Variants in PSMA1 observed in about 807,000 individuals in gnomAD.
PSMA1 encodes proteasome subunit alpha type-1.
PSMA1 carries 3 observed loss-of-function variants against 38.4 expected under a neutral mutation model. The ratio of observed to expected loss-of-function variants is 0.08; its 90% confidence interval spans 0.04 to 0.20. The LOEUF is 0.20. PSMA1 is among the 10% of genes least tolerant of loss of function. The pLI, the probability that PSMA1 is intolerant of heterozygous loss-of-function variation, is 1.00. For missense variants in PSMA1, 227 were observed against 325.3 expected, an observed-to-expected ratio of 0.70 and a Z score of 2.32; for synonymous variants, 101 against 107.1, an observed-to-expected ratio of 0.94 and a Z score of 0.35.
At chr11:14,538,882 C>G (rs1227896199) in intron 2 of PSMA1, among the ~76,000 whole-genome samples, 1 of 152,216 alleles carries the variant, frequency 6.6e-6, no homozygotes, top group African/African-American at 2.4e-5. Context: ...TCAAAAAGTA[C>G]TTTTTAAAAT....
intron 1 of PSMA1, among the ~76,000 whole-genome samples, chr11:14,635,710 C>G (rs1172264843): frequency 1.3e-5 from 2 of 152,132 alleles, no homozygotes; most frequent in Non-Finnish European, 2.9e-5. Flanking sequence ...AGGGAGATTT[C>G]TCACTGACTT....
At chr11:14,580,309 C>T (rs1852269485) in intron 2 of PSMA1, among the ~76,000 whole-genome samples, 1 of 152,216 alleles carries the variant, frequency 6.6e-6, no homozygotes, top group Non-Finnish European at 1.5e-5. Flanking sequence ...TCAAACACGT[C>T]TTATCCTTTA....
chr11:14,636,750 C>T (rs1853117216), intron 1 of PSMA1, among the ~76,000 whole-genome samples: 1 of 152,210 alleles, frequency 6.6e-6, no homozygotes, highest in South Asian at 2.1e-4. Flanking sequence ...ATATTCTAGT[C>T]ACCTAGGCTA....
chr11:14,594,491 T>C (rs1052238975), intron 2 of PSMA1, among the ~76,000 whole-genome samples: 2 of 152,226 alleles, frequency 1.3e-5, no homozygotes, highest in Admixed American at 6.5e-5. Flanking sequence ...AAAAAACATT[T>C]CGTACTCCTT....
chr11:14,599,199 T>C (rs1413855034), intron 2 of PSMA1, among the ~76,000 whole-genome samples: 1 of 152,222 alleles, frequency 6.6e-6, no homozygotes, highest in African/African-American at 2.4e-5. Flanking sequence ...CTTTGGTGAA[T>C]CTGACAATTA....
chr11:14,522,573 G>T (rs1278733420), upstream of PSMA1, among the ~76,000 whole-genome samples: 1 of 152,060 alleles, frequency 6.6e-6, no homozygotes, highest in East Asian at 1.9e-4. Context: ...GGCCAAAAAA[G>T]AAAACCTGTT....
chr11:14,576,019 A>G (rs2134180911), intron 2 of PSMA1, among the ~76,000 whole-genome samples: 1 of 152,306 alleles, frequency 6.6e-6, no homozygotes, highest in East Asian at 1.9e-4. Flanking sequence ...AGTGATGATG[A>G]GCATTTTTTC....
chr11:14,538,147 T>G (rs1008187883), intron 2 of PSMA1, among the ~76,000 whole-genome samples: 7 of 152,212 alleles, frequency 4.6e-5, no homozygotes, highest in Admixed American at 4.6e-4. Flanking sequence ...ACTTAAAAAC[T>G]ACACATAGTT....
chr11:14,637,378 A>G (rs1192668256), intron 1 of PSMA1, among the ~76,000 whole-genome samples: 1 of 152,106 alleles, frequency 6.6e-6, no homozygotes, highest in Admixed American at 6.5e-5. Flanking sequence ...CCTGGTAAGA[A>G]CTCTGTTAGA....
Position 14,612,557 on chromosome 11 carries a change from T to C in PSMA1, c.-165-1406A>G, listed in dbSNP as rs1310290471. Among the ~76,000 whole-genome samples, 4 of 152,192 alleles carry C rather than the reference T, an allele frequency of 2.6e-5. No individual in the cohort carries two copies. In the South Asian group the frequency reaches 6.2e-4, roughly 24 times the overall value. ...ATTAGAAAAAAAATGTATGGAGCAGTTTCTTAATTCATTCTACTAGCAACT... is the reference window on the plus strand; with the variant it reads ...ATTAGAAAAAAAATGTATGGAGCAGCTTCTTAATTCATTCTACTAGCAACT... On this transcript the variant is annotated intron_variant, in intron 1 of 10. Transcript: ENST00000418988.
chr11:14,518,919 T>C, intron 2 of PSMA1, 78 bp downstream of exon 2: 1 of 1,159,398 alleles, frequency 8.6e-7, no homozygotes, highest in Non-Finnish European at 1.2e-6. Flanking sequence ...TCCCCAAGCC[T>C]ACGCTCTCAC....
chr11:14,554,306 G>C (rs1020504795), intron 2 of PSMA1, among the ~76,000 whole-genome samples: 1 of 152,150 alleles, frequency 6.6e-6, no homozygotes, highest in African/African-American at 2.4e-5. Context: ...CAGAGCAAAA[G>C]TTTTAAGTTT....
intron 2 of PSMA1, among the ~76,000 whole-genome samples, chr11:14,569,390 A>G (rs1287199912): frequency 2.0e-5 from 3 of 152,146 alleles, no homozygotes; most frequent in Non-Finnish European, 2.9e-5. Context: ...CCCACAGAGC[A>G]TGAGGTGAAG....
At chr11:14,587,454 AAGG>A (rs1212157140) in intron 2 of PSMA1, among the ~76,000 whole-genome samples, 1 of 152,184 alleles carries the variant, frequency 6.6e-6, no homozygotes, top group Non-Finnish European at 1.5e-5. Context: ...CCCTTGCAAC[AAGG>A]AGAATAACTT....
intron 2 of PSMA1, among the ~76,000 whole-genome samples, chr11:14,529,511 C>T (rs545170682): frequency 1.3e-5 from 2 of 152,276 alleles, no homozygotes; most frequent in East Asian, 3.9e-4. Flanking sequence ...CAACTCCCAT[C>T]ATCACCACCA....
At chr11:14,568,918 G>T (rs1349372231) in intron 2 of PSMA1, among the ~76,000 whole-genome samples, 1 of 152,184 alleles carries the variant, frequency 6.6e-6, no homozygotes, top group African/African-American at 2.4e-5. Flanking sequence ...GAGACACAGG[G>T]CACCATGTTG....
chr11:14,505,096 C>A lies in PSMA1; in HGVS notation c.*96G>T. On this transcript the variant is annotated 3_prime_UTR_variant, in exon 10 of 10. Transcript: ENST00000396394. ...TCCTAAAACATAGCATTCCACCACT[C>A]TGCAACTTTTGGTTCAAAGTATAGA... 1 of 1,154,678 alleles carries A rather than the reference C, an allele frequency of 8.7e-7. No homozygotes were observed. The highest frequency in any genetic ancestry group is 1.5e-5 in the African/African-American group (1 of 65,954). The allele number at this position is 1,154,678 out of a possible 1,614,324, so 71.5% of individuals were successfully genotyped here. A position where few individuals can be genotyped will look rare whatever the true frequency, so the allele number is the denominator to read the frequency against.
At chr11:14,617,031 CTG>C (rs1308110621) in intron 1 of PSMA1, among the ~76,000 whole-genome samples, 1 of 152,196 alleles carries the variant, frequency 6.6e-6, no homozygotes, top group African/African-American at 2.4e-5. Flanking sequence ...TGAAGCCAGT[CTG>C]TGAAAAACAC....
intron 2 of PSMA1, among the ~76,000 whole-genome samples, chr11:14,591,873 TC>T (rs1852420379): frequency 6.6e-6 from 1 of 152,104 alleles, no homozygotes; most frequent in South Asian, 2.1e-4. Context: ...CGGGTCCCCT[TC>T]CACACTGTGG....
Sources: gnomAD v4.1 joint callset for allele counts (sites outside exome capture counted in the v4.1 genomes callset) on GRCh38, gnomAD v4.1.1 for gene constraint, MANE v1.5 for transcripts, NCBI Gene and HGNC (gene_info 2026-07-23, HGNC 2026-07-21) for gene names.